MCF2: variants seen among roughly 807,000 people sequenced by gnomAD.
The protein encoded by MCF2 is MCF.2 cell line derived transforming sequence.
MCF2 carries 44 observed loss-of-function variants against 82.5 expected under a neutral mutation model. The observed-to-expected ratio is 0.53, with a 90% CI of 0.42 to 0.69. The LOEUF is 0.69. Ranked by LOEUF, MCF2 falls within the 30% of genes least tolerant of loss-of-function variation. The probability of loss-of-function intolerance (pLI) is 0.00; values close to 1 mark genes in which losing one functional copy is unlikely to be tolerated. For synonymous variants in MCF2, 217 were observed against 224.9 expected (o/e 0.96, Z 0.32); for missense variants, 623 against 663.1 (o/e 0.94, Z 0.66).
At chrX:139,651,927 T>G in intron 1 of MCF2, 139 bp from the exon 2 acceptor site, 1 of 382,945 alleles carries the variant, frequency 2.6e-6, no homozygotes. Context: ...TGTCGATCTC[T>G]TTCCTCCTCT....
At chrX:139,639,744 T>A (rs1933453173) in intron 1 of MCF2, among the ~76,000 whole-genome samples, 1 of 111,997 alleles carries the variant, frequency 8.9e-6, no homozygotes, top group Admixed American at 9.5e-5. Context: ...TTCATCACCC[T>A]ATGCACACTT....
chrX:139,624,372 C>T (rs1057198404), intron 6 of MCF2, among the ~76,000 whole-genome samples: 1 of 109,185 alleles, frequency 9.2e-6, no homozygotes, highest in Non-Finnish European at 1.9e-5. Context: ...GAGACCCCAT[C>T]CCCACAAAAA....
At chrX:139,600,274 G>C (rs913598033) in intron 16 of MCF2, among the ~76,000 whole-genome samples, 1 of 111,118 alleles carries the variant, frequency 9.0e-6, no homozygotes, top group East Asian at 2.8e-4. Context: ...TTAAAAGGGC[G>C]AACTGATGGC....
chrX:139,591,533 T>G (rs1005623047), intron 19 of MCF2, among the ~76,000 whole-genome samples: 7 of 111,297 alleles, frequency 6.3e-5, no homozygotes, highest in Non-Finnish European at 9.4e-5. Flanking sequence ...TCTGAAGGAC[T>G]CGAATCTCCC....
intron 1 of MCF2, among the ~76,000 whole-genome samples, chrX:139,669,412 A>T (rs1001707429): frequency 1.2e-4 from 13 of 112,289 alleles, no homozygotes; most frequent in Non-Finnish European, 2.1e-4. Flanking sequence ...GACAAATTGG[A>T]ACCCTCATAC....
chrX:139,654,206 G>C lies in MCF2; in HGVS notation c.-44-2418C>G, dbSNP rs192415611. The stretch of plus-strand genomic sequence containing the variant: ...ATGGTAGTTCTATTTTTCGTTTTTT[G>C]CAAAACCTCCATACTGTTCTTCATA... On this transcript the variant is annotated intron_variant, in intron 1 of 27. Transcript: ENST00000414978. 2.6e-3 allele frequency among the ~76,000 whole-genome samples: 283 copies of C among 110,688 alleles called. 3 individuals are homozygous for C. Among genetic ancestry groups the C allele is most frequent in the Admixed American group, 0.024 (252 of 10,398 alleles).
intron 6 of MCF2, among the ~76,000 whole-genome samples, chrX:139,621,575 C>G (rs1932362649): frequency 9.0e-6 from 1 of 111,469 alleles, no homozygotes; most frequent in South Asian, 3.8e-4. Context: ...AATAATGCCG[C>G]ATATCTACAA....
chrX:139,601,297 A>G (rs943153515), intron 16 of MCF2, among the ~76,000 whole-genome samples: 1 of 111,526 alleles, frequency 9.0e-6, no homozygotes, highest in African/African-American at 3.3e-5. Context: ...AGCATAATGG[A>G]TAAAAATAGT....
intron 6 of MCF2, among the ~76,000 whole-genome samples, chrX:139,622,209 T>A (rs1419140900): frequency 1.8e-5 from 2 of 111,591 alleles, no homozygotes; most frequent in African/African-American, 6.5e-5. Flanking sequence ...AGAATGGCGA[T>A]CATTAAAAAG....
chrX:139,662,579 T>C (rs1396681166), intron 1 of MCF2, among the ~76,000 whole-genome samples: 1 of 111,221 alleles, frequency 9.0e-6, no homozygotes, highest in African/African-American at 3.3e-5. Flanking sequence ...CAGTTGATTT[T>C]TTTGTACAAA....
chrX:139,626,969 A>G (rs1322858586), intron 4 of MCF2, among the ~76,000 whole-genome samples: 2 of 112,405 alleles, frequency 1.8e-5, no homozygotes, highest in Non-Finnish European at 3.8e-5. Context: ...CTTGCCTTAG[A>G]GATGGACGTT....
chrX:139,646,285 G>A (rs1933797983), upstream of MCF2, among the ~76,000 whole-genome samples: 1 of 101,801 alleles, frequency 9.8e-6, no homozygotes, highest in Non-Finnish European at 2.0e-5. Flanking sequence ...TGAAAATTTT[G>A]TCTTTAACAC....
chrX:139,655,146 C>A (rs1017807968), intron 1 of MCF2, among the ~76,000 whole-genome samples: 1 of 111,494 alleles, frequency 9.0e-6, no homozygotes, highest in African/African-American at 3.3e-5. Context: ...GTTCTGTATA[C>A]GTTATTAGAA....
At position 139,617,716 on chromosome X, in the gene MCF2, A is replaced by C; in HGVS notation, c.808-12T>G. On this transcript the variant is annotated splice_polypyrimidine_tract_variant and intron_variant, in intron 7 of 24. Transcript: ENST00000370576. ...TTTGATAATAGCTCCTGATTATAAC[A>C]AAGACAAAAAATAATGAATACATGA... is the stretch of plus-strand genomic sequence containing the variant. 9.4e-7 allele frequency: 1 copy of C among 1,068,622 alleles called. No individual in the cohort carries two copies. Among genetic ancestry groups the C allele is most frequent in the Non-Finnish European group, 1.3e-6 (1 of 798,737 alleles). The allele number at this position is 1,068,622 out of a possible 1,213,427, so 88.1% of individuals were successfully genotyped here.
rs767948101 is a variant in MCF2 at position 139,618,421 on chromosome X, A to C, written c.808-717T>G. Among the ~76,000 whole-genome samples the C allele has an allele frequency of 1.3e-4, 14 of 111,342 alleles. No homozygotes were observed. In the South Asian group the frequency reaches 1.9e-3, roughly 15 times the overall value. On this transcript the variant is annotated intron_variant, in intron 7 of 24. Transcript: ENST00000370576. The stretch of plus-strand genomic sequence containing the variant: ...TCTGGAGCTGTTGCACAACAACGCG[A>C]ATTTACTTATCACTACTGAACTGAA...
intron 1 of MCF2, among the ~76,000 whole-genome samples, chrX:139,673,085 T>C (rs1482290628): frequency 8.9e-6 from 1 of 112,090 alleles, no homozygotes; most frequent in Non-Finnish European, 1.9e-5. Flanking sequence ...TCTTCTAGAT[T>C]TTCTAGTTTA....
chrX:139,645,568 C>T (rs1933774426), upstream of MCF2: 1 of 1,162,564 alleles, frequency 8.6e-7, no homozygotes, highest in Non-Finnish European at 1.2e-6. Flanking sequence ...AGATACTTAC[C>T]GAGATTTTTT....
At chrX:139,623,327 C>T (rs907935121) in intron 6 of MCF2, among the ~76,000 whole-genome samples, 2 of 111,692 alleles carry the variant, frequency 1.8e-5, no homozygotes, top group Non-Finnish European at 3.8e-5. Flanking sequence ...GGAATCAACC[C>T]AGGTGCCCAT....
chrX:139,685,686 G>A (rs1268873265), intron 1 of MCF2, among the ~76,000 whole-genome samples: 1 of 110,846 alleles, frequency 9.0e-6, no homozygotes, highest in Non-Finnish European at 1.9e-5. Flanking sequence ...TTTTGTCTGT[G>A]GCTTGTCCTG....
Sources: gnomAD v4.1 joint callset for allele counts (sites outside exome capture counted in the v4.1 genomes callset) on GRCh38, gnomAD v4.1.1 for gene constraint, MANE v1.5 for transcripts, NCBI Gene and HGNC (gene_info 2026-07-23, HGNC 2026-07-21) for gene names.